Variants in FHIT observed in about 807,000 individuals in gnomAD.
The protein encoded by FHIT is bis(5'-adenosyl)-triphosphatase.
In FHIT, 19 loss-of-function variants were observed where a neutral mutation model predicts 17.9. The ratio of observed to expected loss-of-function variants is 1.06; its 90% CI spans 0.74 to 1.56. The LOEUF is 1.56. Ranked by LOEUF, FHIT falls within the 40% of genes most tolerant of loss-of-function variation. FHIT has a pLI of 0.00. For missense variants in FHIT, 248 were observed against 189.2 expected, an observed-to-expected ratio of 1.31 and a Z score of -1.82; for synonymous variants, 81 against 69.7, an observed-to-expected ratio of 1.16 and a Z score of -0.81.
chr3:61,190,245 A>C (rs886635844), intron 2 of FHIT, among the ~76,000 whole-genome samples: 7 of 152,232 alleles, frequency 4.6e-5, no homozygotes, highest in African/African-American at 1.7e-4. Flanking sequence ...CAAGAAAAAA[A>C]CAACCCCATC....
At chr3:60,244,850 A>G (rs1208137449) in intron 5 of FHIT, among the ~76,000 whole-genome samples, 3 of 152,146 alleles carry the variant, frequency 2.0e-5, no homozygotes, top group South Asian at 2.1e-4. Context: ...ATTTAAAAAT[A>G]TGCTAAGATA....
At chr3:60,822,857 A>C (rs1316439958) in intron 3 of FHIT, among the ~76,000 whole-genome samples, 1 of 152,192 alleles carries the variant, frequency 6.6e-6, no homozygotes, top group African/African-American at 2.4e-5. Flanking sequence ...ATGACAATGC[A>C]CTAATCCCCT....
intron 5 of FHIT, among the ~76,000 whole-genome samples, chr3:60,468,495 G>T (rs1348051870): frequency 2.6e-5 from 4 of 151,860 alleles, no homozygotes; most frequent in Non-Finnish European, 5.9e-5. Flanking sequence ...GTACTGTGAG[G>T]CTTGCAAATA....
intron 5 of FHIT, among the ~76,000 whole-genome samples, chr3:60,115,801 C>T (rs1704931083): frequency 6.6e-6 from 1 of 152,028 alleles, no homozygotes; most frequent in South Asian, 2.1e-4. Flanking sequence ...AAGTAGAACA[C>T]AAAATGTACA....
intron 5 of FHIT, among the ~76,000 whole-genome samples, chr3:60,043,584 A>G (rs1233603527): frequency 1.3e-5 from 2 of 152,198 alleles, no homozygotes; most frequent in South Asian, 2.1e-4. Context: ...GCCTTACACA[A>G]TAGTGTCTCT....
intron 5 of FHIT, among the ~76,000 whole-genome samples, chr3:60,530,672 T>C (rs1185099895): frequency 3.9e-5 from 6 of 152,134 alleles, no homozygotes; most frequent in African/African-American, 1.4e-4. Context: ...AGCTGGTATG[T>C]GAGATAAAAT....
intron 3 of FHIT, among the ~76,000 whole-genome samples, chr3:60,907,636 A>G (rs1553764882): frequency 6.6e-6 from 1 of 152,154 alleles, no homozygotes; most frequent in Non-Finnish European, 1.5e-5. Flanking sequence ...AGGGGGTAAT[A>G]TGATATCTAT....
chr3:60,762,472 A>G (rs1699692062), intron 4 of FHIT, among the ~76,000 whole-genome samples: 1 of 152,208 alleles, frequency 6.6e-6, no homozygotes, highest in Non-Finnish European at 1.5e-5. Context: ...TGAGGACAAA[A>G]GTCCCATGGC....
intron 5 of FHIT, among the ~76,000 whole-genome samples, chr3:60,156,140 T>G (rs945525750): frequency 1.3e-5 from 2 of 149,938 alleles, no homozygotes; most frequent in Non-Finnish European, 3.0e-5. Context: ...GATCATGACG[T>G]CAGGAGTTGG....
At chr3:60,963,509 T>C (rs1364992702) in intron 3 of FHIT, among the ~76,000 whole-genome samples, 2 of 152,226 alleles carry the variant, frequency 1.3e-5, no homozygotes, top group African/African-American at 4.8e-5. Context: ...CTAGTTCTTT[T>C]AATTGTGATG....
chr3:60,429,004 G>A lies in FHIT; in HGVS notation c.103+107856C>T, dbSNP rs564436626. Among the ~76,000 whole-genome samples the A allele has an allele frequency of 5.3e-5, 8 of 152,172 alleles. No individual in the cohort carries two copies. The South Asian group carries it at 1.7e-3, about 32-fold the overall frequency. On this transcript the variant is annotated intron_variant, in intron 5 of 9. Transcript: ENST00000492590. ...GTTGAAAATCTAGCTTTTACCTAGT[G>A]CAGCTGAAAATCTCTCTATATAATG...
chr3:61,009,191 C>A (rs1019386115), intron 3 of FHIT, among the ~76,000 whole-genome samples: 1 of 152,154 alleles, frequency 6.6e-6, no homozygotes, highest in African/African-American at 2.4e-5. Context: ...CCCATTGTGT[C>A]TCTTTCAAAA....
intron 8 of FHIT, among the ~76,000 whole-genome samples, chr3:59,914,999 A>AT (rs957573393): frequency 6.6e-6 from 1 of 152,138 alleles, no homozygotes; most frequent in Non-Finnish European, 1.5e-5. Context: ...TAAACCTAAG[A>AT]TTTTTTTAAA....
At chr3:60,283,875 C>G (rs1158348400) in intron 5 of FHIT, among the ~76,000 whole-genome samples, 3 of 152,008 alleles carry the variant, frequency 2.0e-5, no homozygotes, top group African/African-American at 7.2e-5. Context: ...AAAGAAGTTT[C>G]TAGGGCACTG....
At chr3:60,134,536 C>T (rs1227352079) in intron 5 of FHIT, among the ~76,000 whole-genome samples, 1 of 152,204 alleles carries the variant, frequency 6.6e-6, no homozygotes, top group Non-Finnish European at 1.5e-5. Context: ...TTGTGAATGA[C>T]ACACAACATG....
At chr3:61,201,666 C>T (rs11130822) in intron 1 of FHIT, among the ~76,000 whole-genome samples, 65,724 of 151,842 alleles carry the variant, frequency 0.43, 14,616 homozygotes, top group East Asian at 0.58. Context: ...GTCAGACTTA[C>T]GGGCTAAGAT....
rs556289542 is a variant in FHIT at position 60,130,416 on chromosome 3, G to A, written c.104-116264C>T. On this transcript the variant is annotated intron_variant, in intron 5 of 9. Coordinates refer to ENST00000492590, the MANE Select transcript of FHIT (RefSeq NM_002012.4). Reference sequence around the variant, plus strand: ...AACAACTCCATAAGGAAGGTGCCACGGTTATCCTCATTATGTCACTGAGAA... The same window carrying A: ...AACAACTCCATAAGGAAGGTGCCACAGTTATCCTCATTATGTCACTGAGAA... Among the ~76,000 whole-genome samples the A allele has an allele frequency of 4.0e-4, 61 of 152,194 alleles. 1 individual carries two copies. The highest frequency in any genetic ancestry group is 3.1e-3 in the Admixed American group (48 of 15,284).
At chr3:60,384,747 C>T (rs1328158167) in intron 5 of FHIT, among the ~76,000 whole-genome samples, 4 of 151,192 alleles carry the variant, frequency 2.6e-5, no homozygotes, top group Non-Finnish European at 5.9e-5. Context: ...CACTTTGAAT[C>T]ATAGTATCTC....
At chr3:60,422,538 C>T (rs796665424) in intron 5 of FHIT, among the ~76,000 whole-genome samples, 8 of 152,086 alleles carry the variant, frequency 5.3e-5, no homozygotes, top group African/African-American at 1.7e-4. Context: ...GTTGTTATTG[C>T]TATTGTTGAA....
Sources: allele counts gnomAD v4.1 joint callset (sites outside exome capture counted in the v4.1 genomes callset), GRCh38; gene constraint gnomAD v4.1.1; transcripts MANE v1.5; gene names NCBI Gene and HGNC (gene_info 2026-07-23, HGNC 2026-07-21).